LRMDA: variants seen among roughly 807,000 people sequenced by gnomAD.
LRMDA encodes leucine rich melanocyte differentiation associated.
LRMDA carries 18 observed loss-of-function variants against 29.8 expected under a neutral mutation model. That is an observed-to-expected ratio of 0.60 (90% CI 0.42 to 0.90). The LOEUF (loss-of-function observed/expected upper bound fraction) is 0.90, where lower values mean the gene tolerates loss of function less well. LRMDA is among the 40% of genes least tolerant of loss of function. The probability of loss-of-function intolerance (pLI) is 0.00; values close to 1 mark genes in which losing one functional copy is unlikely to be tolerated. For missense variants in LRMDA, 273 were observed against 273.9 expected, an observed-to-expected ratio of 1.00 and a Z score of 0.02; for synonymous variants, 125 against 109.4, an observed-to-expected ratio of 1.14 and a Z score of -0.89.
chr10:75,712,471 TG>T (rs1842448261), intron 2 of LRMDA, among the ~76,000 whole-genome samples: 1 of 151,912 alleles, frequency 6.6e-6, no homozygotes, highest in Admixed American at 6.6e-5. Flanking sequence ...GGGTCCCTCG[TG>T]GCCTCGGGAT....
intron 2 of LRMDA, among the ~76,000 whole-genome samples, chr10:75,824,693 TA>T (rs1256840135): frequency 1.3e-5 from 2 of 152,162 alleles, no homozygotes; most frequent in African/African-American, 2.4e-5. Flanking sequence ...AAACAAGCTG[TA>T]AACTTTCACT....
At chr10:76,104,464 C>T (rs1849446903) in intron 5 of LRMDA, among the ~76,000 whole-genome samples, 1 of 151,758 alleles carries the variant, frequency 6.6e-6, no homozygotes, top group African/African-American at 2.4e-5. Flanking sequence ...CTGTGTCCAT[C>T]CAGGACTATA....
chr10:75,452,167 A>G (rs1367203439), intron 2 of LRMDA, among the ~76,000 whole-genome samples: 2 of 152,246 alleles, frequency 1.3e-5, no homozygotes, highest in Non-Finnish European at 2.9e-5. Context: ...CCCTCTGCTC[A>G]CTTCCTCCTT....
chr10:75,466,155 G>A (rs1195297407), intron 2 of LRMDA, among the ~76,000 whole-genome samples: 9 of 152,224 alleles, frequency 5.9e-5, no homozygotes, highest in African/African-American at 2.2e-4. Context: ...TGGCTTCCCA[G>A]GCGAGAACCA....
chr10:75,875,720 C>G (rs776595472), intron 2 of LRMDA, among the ~76,000 whole-genome samples: 8 of 152,228 alleles, frequency 5.3e-5, no homozygotes, highest in African/African-American at 7.2e-5. Flanking sequence ...GCGTGAGCCA[C>G]GGTGCCCAGC....
At chr10:75,588,700 G>A (rs1448958101) in intron 2 of LRMDA, among the ~76,000 whole-genome samples, 2 of 152,100 alleles carry the variant, frequency 1.3e-5, no homozygotes, top group Non-Finnish European at 2.9e-5. Flanking sequence ...ATTATGAAAA[G>A]TTTTCCTCCC....
rs1049977869 is a variant in LRMDA, at chr10:76,557,544, G to A, written c.*256G>A. On this transcript the variant is annotated 3_prime_UTR_variant, in exon 7 of 7. Coordinates refer to ENST00000611255, the MANE Select transcript of LRMDA (RefSeq NM_001305581.2). ...CTCATCCACCAGGGTGACAGACAGC[G>A]GTGGCAAAGCAACAGGGCTGACAGC... 2 of 536,532 alleles carry A rather than the reference G, an allele frequency of 3.7e-6. No individual in the cohort carries two copies. Among genetic ancestry groups the A allele is most frequent in the African/African-American group, 1.9e-5 (1 of 52,532 alleles). 33.2% of individuals were successfully genotyped at this position (536,532 alleles called of 1,614,324 possible).
At chr10:76,521,954 C>T (rs1334712941) in intron 6 of LRMDA, among the ~76,000 whole-genome samples, 1 of 152,148 alleles carries the variant, frequency 6.6e-6, no homozygotes, top group East Asian at 1.9e-4. Flanking sequence ...TCAGTATTTG[C>T]TTCTTAAGTG....
rs76761570 is a variant in LRMDA at position 76,125,534 on chromosome 10, A to G, written c.516+66751A>G. On this transcript the variant is annotated intron_variant, in intron 5 of 6. Coordinates refer to ENST00000611255, the MANE Select transcript of LRMDA (RefSeq NM_001305581.2). ...ATGATGAAAGGTCATTTAATAAAAA[A>G]AATTGAACCATTGATGCCTGAGTGG... Among the ~76,000 whole-genome samples, 1,394 of 152,340 alleles carry G rather than the reference A, an allele frequency of 9.2e-3. 13 individuals carry two copies. The highest frequency in any genetic ancestry group is 0.045 in the South Asian group (216 of 4,824).
chr10:75,875,467 C>G (rs186848040), intron 2 of LRMDA, among the ~76,000 whole-genome samples: 163 of 152,156 alleles, frequency 1.1e-3, no homozygotes, highest in African/African-American at 3.9e-3. Context: ...CAGATTCACT[C>G]TTGTTGCCCA....
chr10:75,994,978 C>T (rs1847435726), intron 2 of LRMDA, among the ~76,000 whole-genome samples: 1 of 152,154 alleles, frequency 6.6e-6, no homozygotes, highest in African/African-American at 2.4e-5. Context: ...GTGGCTGCTT[C>T]ATACCTCTCT....
chr10:76,238,761 A>G (rs1852211210), intron 5 of LRMDA, among the ~76,000 whole-genome samples: 1 of 151,532 alleles, frequency 6.6e-6, no homozygotes, highest in East Asian at 1.9e-4. Context: ...CATTTATTGA[A>G]TGCATACTAT....
chr10:75,544,482 C>CT (rs1466835498), intron 2 of LRMDA, among the ~76,000 whole-genome samples: 1 of 152,098 alleles, frequency 6.6e-6, no homozygotes. Flanking sequence ...AGAATTCTGA[C>CT]TTGGATATAG....
intron 2 of LRMDA, among the ~76,000 whole-genome samples, chr10:75,922,908 A>G (rs1237563762): frequency 6.6e-6 from 1 of 152,132 alleles, no homozygotes; most frequent in Non-Finnish European, 1.5e-5. Flanking sequence ...TGATGGTGAT[A>G]TCCATATTTA....
chr10:76,028,041 G>T (rs1287262384), intron 2 of LRMDA, among the ~76,000 whole-genome samples: 1 of 152,058 alleles, frequency 6.6e-6, no homozygotes, highest in African/African-American at 2.4e-5. Context: ...TAAATTATTG[G>T]AATTGGAATT....
intron 2 of LRMDA, among the ~76,000 whole-genome samples, chr10:75,728,426 CTGTGTGTGTGTGTG>C (rs34902461): frequency 4.1e-4 from 57 of 138,290 alleles, no homozygotes; most frequent in African/African-American, 9.7e-4. Context: ...ATACGTGGCT[CTGTGTGTGTGTGTG>C]TGTGTGTGTG....
At chr10:76,189,301 G>A (rs1236136757) in intron 5 of LRMDA, among the ~76,000 whole-genome samples, 1 of 152,102 alleles carries the variant, frequency 6.6e-6, no homozygotes, top group Admixed American at 6.6e-5. Flanking sequence ...AAGTTTCAGT[G>A]AGCTAAGATT....
At chr10:76,519,418 A>T (rs1433636784) in intron 6 of LRMDA, among the ~76,000 whole-genome samples, 1 of 152,230 alleles carries the variant, frequency 6.6e-6, no homozygotes, top group African/African-American at 2.4e-5. Flanking sequence ...AATGGTAAAA[A>T]GTTAGAAGCA....
intron 2 of LRMDA, among the ~76,000 whole-genome samples, chr10:75,893,358 C>T (rs1333318132): frequency 6.6e-6 from 1 of 152,122 alleles, no homozygotes; most frequent in Non-Finnish European, 1.5e-5. Context: ...TGTATGAAAA[C>T]CTAAGAGAGC....
Sources: allele counts gnomAD v4.1 joint callset (sites outside exome capture counted in the v4.1 genomes callset), GRCh38; gene constraint gnomAD v4.1.1; transcripts MANE v1.5; gene names NCBI Gene and HGNC (gene_info 2026-07-23, HGNC 2026-07-21).